Variants in BPNT1 observed in about 807,000 individuals in gnomAD.
The protein encoded by BPNT1 is 3'(2'), 5'-bisphosphate nucleotidase 1.
A neutral mutation model predicts 36.9 loss-of-function variants in BPNT1; 28 were observed. That is an observed-to-expected ratio of 0.76 (90% CI 0.56 to 1.04). The LOEUF is 1.04. Ranked by LOEUF, BPNT1 falls within the 50% of genes least tolerant of loss-of-function variation. The pLI is 0.00. For synonymous variants in BPNT1, 119 were observed against 130.9 expected (o/e 0.91, Z 0.62); for missense variants, 313 against 372.9 (o/e 0.84, Z 1.32).
rs1309544752 is a variant in BPNT1, at chr1:220,057,802, A to G, written c.*1042T>C. Reference sequence around the variant, plus strand: ...ATAAGCATATATAATAACATCATATATATTCTTAATTGGAGTAGAAACGTT... The same window carrying G: ...ATAAGCATATATAATAACATCATATGTATTCTTAATTGGAGTAGAAACGTT... On this transcript the variant is annotated 3_prime_UTR_variant, in exon 9 of 9. Coordinates refer to ENST00000322067, the MANE Select transcript of BPNT1 (RefSeq NM_006085.6). The G allele has an allele frequency of 8.4e-7, 1 of 1,197,520 alleles. No homozygotes were observed. Among genetic ancestry groups the G allele is most frequent in the Admixed American group, 2.3e-5 (1 of 42,612 alleles). The allele number at this position is 1,197,520 out of a possible 1,614,324, so 74.2% of individuals were successfully genotyped here. A position where few individuals can be genotyped will look rare whatever the true frequency, so the allele number is the denominator to read the frequency against.
chr1:220,086,003 T>C (rs941192855), intron 1 of BPNT1, among the ~76,000 whole-genome samples: 8 of 152,224 alleles, frequency 5.3e-5, no homozygotes, highest in African/African-American at 1.9e-4. Context: ...GGCCTGATGA[T>C]AATGTTCAAG....
At position 220,072,929 on chromosome 1, in the gene BPNT1, T is replaced by C; in HGVS notation, c.254A>G (p.Glu85Gly). The C allele has an allele frequency of 6.2e-7, 1 of 1,614,118 alleles. No individual in the cohort carries two copies. The highest frequency in any genetic ancestry group is 8.5e-7 in the Non-Finnish European group (1 of 1,180,002). The change falls in exon 4 of 9, where the codon GAG becomes GGG. Residue 85 changes from glutamate (E) to glycine (G), a missense_variant. Glu to Gly is a moderately conservative substitution (Grantham distance 98). Transcript: ENST00000322067. Reference sequence around the variant, plus strand: ...TTCCCACTGACTGTCTTCAATCAGCTCTTGATCCACTTCCTCAGAAGGCAG... The same window carrying C: ...TTCCCACTGACTGTCTTCAATCAGCCCTTGATCCACTTCCTCAGAAGGCAG... The part of the protein sequence containing the change: ...EDLPSEEVDQ[E>G]LIEDSQWEEI...
chr1:220,078,445 T>C (rs186239691), intron 2 of BPNT1, among the ~76,000 whole-genome samples: 9,812 of 138,624 alleles, frequency 0.071, 454 homozygotes, highest in South Asian at 0.14. Flanking sequence ...ATATAATAAT[T>C]ATACTTATAT....
chr1:220,082,085 T>TATAGAGAG (rs1171093697), intron 1 of BPNT1, among the ~76,000 whole-genome samples: 30 of 103,272 alleles, frequency 2.9e-4, no homozygotes, highest in African/African-American at 9.5e-4. Flanking sequence ...TATATATATA[T>TATAGAGAG]AGAGAGAGAG....
chr1:220,080,140 T>C (rs967195505), intron 1 of BPNT1, among the ~76,000 whole-genome samples: 1 of 152,178 alleles, frequency 6.6e-6, no homozygotes, highest in Non-Finnish European at 1.5e-5. Context: ...AAAGTTTGTG[T>C]ATGAGGTCGT....
intron 6 of BPNT1, chr1:220,066,035 C>A (rs1334593479): frequency 1.4e-6 from 2 of 1,476,664 alleles, no homozygotes; most frequent in Non-Finnish European, 1.8e-6. Flanking sequence ...TTCTTTTCTA[C>A]CTACTAGTGG....
chr1:220,063,045 A>ATTT, intron 6 of BPNT1, 91 bp from the exon 7 acceptor site: 1 of 1,397,526 alleles, frequency 7.2e-7, no homozygotes, highest in Non-Finnish European at 1.0e-6. Flanking sequence ...TAGCATCATG[A>ATTT]TTTAAAAAAT....
chr1:220,073,919 C>A (rs1664310622), intron 3 of BPNT1, 48 bp downstream of exon 3: 1 of 1,485,448 alleles, frequency 6.7e-7, no homozygotes, highest in Non-Finnish European at 9.4e-7. Flanking sequence ...AGTTATAAAT[C>A]CATTTGGTAA....
At chr1:220,087,026 G>A (rs1459225348) in intron 1 of BPNT1, among the ~76,000 whole-genome samples, 18 of 137,940 alleles carry the variant, frequency 1.3e-4, no homozygotes, top group South Asian at 4.5e-4. Context: ...CAGCCTGGGC[G>A]ACAGAGCAAG....
chr1:220,057,603 GAAGC>G lies in BPNT1; in HGVS notation c.*1237_*1240del, dbSNP rs745933467. The G allele has an allele frequency of 2.2e-4, 52 of 240,248 alleles. No individual in the cohort carries two copies. Among genetic ancestry groups the G allele is most frequent in the Non-Finnish European group, 3.9e-4 (45 of 116,660 alleles). 14.9% of individuals were successfully genotyped at this position (240,248 alleles called of 1,614,324 possible). ...TTATAATCTCTCATTGGAAGGAATAGAAGCAAGTACTTAGCTTTCCACAATTAAG... is the reference window on the plus strand; with the variant it reads ...TTATAATCTCTCATTGGAAGGAATAGAAGTACTTAGCTTTCCACAATTAAG... On this transcript the variant is annotated 3_prime_UTR_variant, in exon 9 of 9. Coordinates refer to ENST00000322067, the MANE Select transcript of BPNT1 (RefSeq NM_006085.6).
intron 2 of BPNT1, among the ~76,000 whole-genome samples, chr1:220,077,302 A>G (rs1341431505): frequency 6.6e-6 from 1 of 152,230 alleles, no homozygotes; most frequent in East Asian, 1.9e-4. Context: ...TTTTGCTTAA[A>G]TCAAGATACC....
intron 2 of BPNT1, among the ~76,000 whole-genome samples, chr1:220,078,557 AAATAT>A (rs1333296555): frequency 7.0e-6 from 1 of 143,700 alleles, no homozygotes; most frequent in Non-Finnish European, 1.5e-5. Context: ...AATTATATAT[AAATAT>A]AATATATATT....
At chr1:220,078,498 ATT>A (rs1199155096) in intron 2 of BPNT1, among the ~76,000 whole-genome samples, 1 of 141,204 alleles carries the variant, frequency 7.1e-6, no homozygotes, top group African/African-American at 2.6e-5. Flanking sequence ...TTTATAATAA[ATT>A]TTATATAATA....
intron 4 of BPNT1, among the ~76,000 whole-genome samples, chr1:220,072,629 A>G (rs1000014211): frequency 1.3e-5 from 2 of 152,168 alleles, no homozygotes; most frequent in South Asian, 4.2e-4. Flanking sequence ...AAGTATTTTA[A>G]ATAACGGTTT....
chr1:220,081,506 G>C (rs1655120880), intron 1 of BPNT1, among the ~76,000 whole-genome samples: 1 of 151,676 alleles, frequency 6.6e-6, no homozygotes, highest in Non-Finnish European at 1.5e-5. Context: ...TCGCACCACT[G>C]CACTCTAGCC....
Position 220,057,832 on chromosome 1 carries a change from A to G in BPNT1, c.*1012T>C. On this transcript the variant is annotated 3_prime_UTR_variant, in exon 9 of 9. Transcript: ENST00000322067. ...CTTAATTGGAGTAGAAACGTTTTTA[A>G]AATTACTGTGAAAAACAAGAGTGAG... 7.8e-7 allele frequency: 1 copy of G among 1,287,082 alleles called. No individual in the cohort carries two copies. Among genetic ancestry groups the G allele is most frequent in the Non-Finnish European group, 1.0e-6 (1 of 977,542 alleles). The allele number at this position is 1,287,082 out of a possible 1,614,324, so 79.7% of individuals were successfully genotyped here. A position where few individuals can be genotyped will look rare whatever the true frequency, so the allele number is the denominator to read the frequency against.
At chr1:220,065,666 G>A (rs1364561386) in intron 6 of BPNT1, among the ~76,000 whole-genome samples, 1 of 152,148 alleles carries the variant, frequency 6.6e-6, no homozygotes, top group African/African-American at 2.4e-5. Flanking sequence ...TCTTTAAAAT[G>A]GGGATAATAG....
At chr1:220,069,281 T>C in intron 5 of BPNT1, 103 bp downstream of exon 5, 2 of 886,514 alleles carry the variant, frequency 2.3e-6, no homozygotes, top group Non-Finnish European at 1.7e-6. Flanking sequence ...ACATAACACA[T>C]GATAGTAGCT....
chr1:220,082,081 TATATAGAGAGAG>T (rs1388862367), intron 1 of BPNT1, among the ~76,000 whole-genome samples: 9 of 109,806 alleles, frequency 8.2e-5, no homozygotes, highest in Non-Finnish European at 1.2e-4. Context: ...TATATATATA[TATATAGAGAGAG>T]AGAGAGAGAG....
Sources: allele counts gnomAD v4.1 joint callset (sites outside exome capture counted in the v4.1 genomes callset), GRCh38; gene constraint gnomAD v4.1.1; transcripts MANE v1.5; gene names NCBI Gene and HGNC (gene_info 2026-07-23, HGNC 2026-07-21).